Variants in SNAPC3 observed in about 807,000 individuals in gnomAD.
SNAPC3 encodes the protein small nuclear RNA activating complex polypeptide 3, also known as snRNA-activating protein complex subunit 3.
Under a neutral mutation model 47.7 loss-of-function variants are expected in SNAPC3, and 56 were observed. That is an observed-to-expected ratio of 1.18 (90% CI 0.95 to 1.47). SNAPC3 has a LOEUF of 1.47. Among genes scored for constraint, SNAPC3 ranks in the 40% most tolerant of loss-of-function variants. The pLI is 0.00. For synonymous variants in SNAPC3, 235 were observed against 189.9 expected, an observed-to-expected ratio of 1.24 and a Z score of -1.95; for missense variants, 665 against 511.3, an observed-to-expected ratio of 1.30 and a Z score of -2.90.
chr9:15,429,702 A>G (rs2031892009), intron 2 of SNAPC3, among the ~76,000 whole-genome samples: 1 of 152,226 alleles, frequency 6.6e-6, no homozygotes, highest in Non-Finnish European at 1.5e-5. Context: ...TATGCATTTC[A>G]TAATGAAAAA....
intron 3 of SNAPC3, 97 bp from the exon 4 acceptor site, chr9:15,444,505 G>T (rs2033766173): frequency 2.8e-6 from 2 of 714,014 alleles, no homozygotes; most frequent in Non-Finnish European, 4.9e-6. Context: ...CAAACCCAAG[G>T]CTGCTTGACT....
intron 3 of SNAPC3, among the ~76,000 whole-genome samples, chr9:15,437,090 G>C (rs556596424): frequency 3.3e-5 from 5 of 152,172 alleles, no homozygotes; most frequent in African/African-American, 1.2e-4. Flanking sequence ...CTCCCAAAAT[G>C]CTGGGATTAC....
chr9:15,425,719 A>G (rs968914806), intron 2 of SNAPC3, among the ~76,000 whole-genome samples: 3 of 152,080 alleles, frequency 2.0e-5, no homozygotes, highest in African/African-American at 7.2e-5. Flanking sequence ...CTCTGTAACT[A>G]TTGTTGATTG....
At chr9:15,430,932 A>G (rs1587185180) in intron 2 of SNAPC3, among the ~76,000 whole-genome samples, 1 of 152,220 alleles carries the variant, frequency 6.6e-6, no homozygotes, top group Non-Finnish European at 1.5e-5. Context: ...CTTCAAATTT[A>G]CCTCTTTTTC....
intron 3 of SNAPC3, among the ~76,000 whole-genome samples, chr9:15,434,737 T>G (rs1302913215): frequency 6.6e-6 from 1 of 152,206 alleles, no homozygotes; most frequent in Admixed American, 6.5e-5. Context: ...TAATGTTTTA[T>G]AGGTTCATCC....
downstream of SNAPC3, chr9:15,462,150 C>T (rs2035266634): frequency 6.6e-6 from 1 of 152,110 alleles, no homozygotes. Context: ...TGCATTATTC[C>T]ATGTGTGGTG....
In SNAPC3 at chr9:15,461,019, T is replaced by C. The variant is rs1348693701; in HGVS notation, c.*1153T>C. 3.3e-5 allele frequency: 5 copies of C among 152,116 alleles called. No homozygotes were observed. The highest frequency in any genetic ancestry group is 5.9e-5 in the Non-Finnish European group (4 of 68,008). 9.4% of individuals were successfully genotyped at this position (152,116 alleles called of 1,614,324 possible). ...CACTTATTCTCCGGTAATGATACTATTGGATATATACCAAAATTATATAAG... is the reference window on the plus strand; with the variant it reads ...CACTTATTCTCCGGTAATGATACTACTGGATATATACCAAAATTATATAAG... On this transcript the variant is annotated 3_prime_UTR_variant, in exon 9 of 9. Coordinates refer to ENST00000380821, the MANE Select transcript of SNAPC3 (RefSeq NM_001039697.2).
In SNAPC3 at chr9:15,447,239, A is replaced by G. The variant is rs377697565; in HGVS notation, c.727A>G (p.Ser243Gly). 67 of 1,613,942 alleles carry G rather than the reference A, an allele frequency of 4.2e-5. No individual in the cohort carries two copies. Among genetic ancestry groups the G allele is most frequent in the Admixed American group, 2.7e-4 (16 of 60,006 alleles). Residue 243 changes from serine to glycine, a missense_variant, in exon 5 of 9, where the codon AGC (serine) becomes GGC (glycine). By Grantham distance (56) the Ser-to-Gly change is moderately conservative (BLOSUM62 0). Coordinates refer to ENST00000380821, the MANE Select transcript of SNAPC3 (RefSeq NM_001039697.2). ...TCCTGACCAAGCCCCTGAGCACATC[A>G]GCAAAGTAAGGTGATTTCCTCCCAT... ...NTPDQAPEHI[S>G]KDLYKSAFFY...
At chr9:15,459,296 ATT>A (rs2035024271) in intron 8 of SNAPC3, among the ~76,000 whole-genome samples, 1 of 152,204 alleles carries the variant, frequency 6.6e-6, no homozygotes, top group Non-Finnish European at 1.5e-5. Flanking sequence ...ACCAGTACTC[ATT>A]TATCAGTTAA....
At chr9:15,425,470 G>A (rs1446405307) in intron 2 of SNAPC3, among the ~76,000 whole-genome samples, 3 of 152,056 alleles carry the variant, frequency 2.0e-5, no homozygotes, top group East Asian at 1.9e-4. Flanking sequence ...TGCCCAACTC[G>A]TTCTCCCAAA....
intron 3 of SNAPC3, among the ~76,000 whole-genome samples, chr9:15,441,383 C>CTTTTTTTTTTTTTTTTTTTTTTT (rs77103785): frequency 8.4e-5 from 5 of 59,572 alleles, no homozygotes; most frequent in Non-Finnish European, 1.2e-4. Flanking sequence ...GTTCCCTTTT[C>CTTTTTTTTTTTTTTTTTTTTTTT]TTTTTTTTTT....
chr9:15,431,586 A>G (rs2032154792), intron 2 of SNAPC3, among the ~76,000 whole-genome samples: 1 of 149,396 alleles, frequency 6.7e-6, no homozygotes, highest in African/African-American at 2.4e-5. Flanking sequence ...CCAAAACTAT[A>G]GAGACTGATT....
At chr9:15,440,969 T>C (rs1335200479) in intron 3 of SNAPC3, among the ~76,000 whole-genome samples, 10 of 146,374 alleles carry the variant, frequency 6.8e-5, no homozygotes, top group Admixed American at 6.7e-4. Flanking sequence ...AAAAAAAAAT[T>C]GGTCAGTCAG....
chr9:15,448,528 C>T (rs190242761), intron 5 of SNAPC3, among the ~76,000 whole-genome samples: 33 of 152,278 alleles, frequency 2.2e-4, no homozygotes, highest in African/African-American at 7.9e-4. Flanking sequence ...TACCCTGGCA[C>T]CTTTTCTTTT....
downstream of SNAPC3, chr9:15,462,631 G>C (rs1042679711): frequency 6.6e-6 from 1 of 152,044 alleles, no homozygotes; most frequent in Non-Finnish European, 1.5e-5. Flanking sequence ...TATAATAGTG[G>C]ATACACATGC....
chr9:15,436,566 C>T (rs1409622878), intron 3 of SNAPC3, among the ~76,000 whole-genome samples: 1 of 152,162 alleles, frequency 6.6e-6, no homozygotes, highest in Non-Finnish European at 1.5e-5. Context: ...ATTTTGAAAT[C>T]AGGGAGTGTG....
intron 2 of SNAPC3, among the ~76,000 whole-genome samples, chr9:15,429,249 A>T (rs1412679377): frequency 6.6e-6 from 1 of 152,192 alleles, no homozygotes; most frequent in Non-Finnish European, 1.5e-5. Flanking sequence ...ATCTAACTGA[A>T]TGTTCTCAAA....
intron 3 of SNAPC3, among the ~76,000 whole-genome samples, chr9:15,437,439 G>T (rs1300882090): frequency 2.0e-5 from 3 of 151,902 alleles, no homozygotes; most frequent in Non-Finnish European, 4.4e-5. Context: ...CACCATGTTG[G>T]TGAAGATGGT....
downstream of SNAPC3, among the ~76,000 whole-genome samples, chr9:15,466,524 T>C (rs2035638274): frequency 6.6e-6 from 1 of 152,248 alleles, no homozygotes; most frequent in Non-Finnish European, 1.5e-5. Context: ...TCTTTTTAAC[T>C]GGGTTCCCAG....
Sources: allele counts gnomAD v4.1 joint callset (sites outside exome capture counted in the v4.1 genomes callset), GRCh38; gene constraint gnomAD v4.1.1; transcripts MANE v1.5; gene names NCBI Gene and HGNC (gene_info 2026-07-23, HGNC 2026-07-21).